CLSTN2: variants seen among roughly 807,000 people sequenced by gnomAD.
CLSTN2 encodes the protein calsyntenin 2.
A neutral mutation model predicts 101.2 loss-of-function variants in CLSTN2; 48 were observed. The ratio of observed to expected loss-of-function variants is 0.47; its 90% CI spans 0.38 to 0.60. The LOEUF (loss-of-function observed/expected upper bound fraction) is 0.60, where lower values mean the gene tolerates loss of function less well. CLSTN2 is among the 20% of genes least tolerant of loss of function. CLSTN2 has a pLI of 0.00. For synonymous variants in CLSTN2, 481 were observed against 463.6 expected, an observed-to-expected ratio of 1.04 and a Z score of -0.48; for missense variants, 1,160 against 1,238.2, an observed-to-expected ratio of 0.94 and a Z score of 0.95.
chr3:140,032,146 C>T (rs530400062), intron 1 of CLSTN2, among the ~76,000 whole-genome samples: 4 of 152,166 alleles, frequency 2.6e-5, no homozygotes, highest in Non-Finnish European at 5.9e-5. Context: ...AAAGTTATAA[C>T]TGCAAAATGA....
intron 1 of CLSTN2, among the ~76,000 whole-genome samples, chr3:140,054,188 T>G (rs1018340784): frequency 6.6e-6 from 1 of 152,060 alleles, no homozygotes; most frequent in Non-Finnish European, 1.5e-5. Context: ...AACTAGGACT[T>G]CAAGAATGGG....
At chr3:140,338,112 T>G (rs1342466654) in intron 2 of CLSTN2, among the ~76,000 whole-genome samples, 1 of 152,174 alleles carries the variant, frequency 6.6e-6, no homozygotes. Flanking sequence ...ATCTGAAGTT[T>G]AAGAGCACTT....
At chr3:140,345,679 C>T (rs2087540003) in intron 2 of CLSTN2, among the ~76,000 whole-genome samples, 1 of 144,718 alleles carries the variant, frequency 6.9e-6, no homozygotes, top group East Asian at 2.0e-4. Context: ...TGTGTAAAGG[C>T]AGTAGCATGT....
intron 10 of CLSTN2, among the ~76,000 whole-genome samples, chr3:140,550,886 CT>C (rs1935688445): frequency 6.6e-6 from 1 of 151,242 alleles, no homozygotes. Flanking sequence ...AACCAAGCCA[CT>C]GCAAATGATC....
At chr3:140,289,004 G>A (rs1216799396) in intron 2 of CLSTN2, among the ~76,000 whole-genome samples, 8 of 152,056 alleles carry the variant, frequency 5.3e-5, no homozygotes, top group Non-Finnish European at 8.8e-5. Context: ...CTTTTGCTGC[G>A]TTGATTATGC....
At chr3:140,391,767 C>T (rs1418220344) in intron 2 of CLSTN2, among the ~76,000 whole-genome samples, 2 of 151,956 alleles carry the variant, frequency 1.3e-5, no homozygotes, top group African/African-American at 2.4e-5. Flanking sequence ...TCAGTGAAAG[C>T]CATTTCTCAG....
At chr3:140,471,536 A>C (rs1483801627) in intron 8 of CLSTN2, among the ~76,000 whole-genome samples, 1 of 152,200 alleles carries the variant, frequency 6.6e-6, no homozygotes, top group Non-Finnish European at 1.5e-5. Flanking sequence ...CAGAAATTGT[A>C]CTAGGCATCA....
intron 2 of CLSTN2, among the ~76,000 whole-genome samples, chr3:140,300,395 T>C (rs1334838250): frequency 2.6e-5 from 4 of 152,212 alleles, no homozygotes; most frequent in South Asian, 2.1e-4. Flanking sequence ...TCCTTCAGCA[T>C]GTACTAAATT....
intron 1 of CLSTN2, among the ~76,000 whole-genome samples, chr3:140,149,705 C>A (rs1401031975): frequency 6.6e-6 from 1 of 152,284 alleles, no homozygotes; most frequent in Admixed American, 6.5e-5. Context: ...GATCCACCCA[C>A]CTTGACCTTC....
chr3:140,501,193 C>T (rs1345842225), intron 8 of CLSTN2, among the ~76,000 whole-genome samples: 3 of 152,184 alleles, frequency 2.0e-5, no homozygotes, highest in East Asian at 3.9e-4. Context: ...TGCATACTTT[C>T]TAGCTTGCCA....
At chr3:140,265,610 A>G (rs1459797529) in intron 2 of CLSTN2, among the ~76,000 whole-genome samples, 1 of 152,214 alleles carries the variant, frequency 6.6e-6, no homozygotes, top group Non-Finnish European at 1.5e-5. Context: ...TTCCATCAGC[A>G]TTGACTTTTA....
At chr3:139,963,108 G>A (rs193097233) in intron 1 of CLSTN2, among the ~76,000 whole-genome samples, 1 of 152,160 alleles carries the variant, frequency 6.6e-6, no homozygotes, top group African/African-American at 2.4e-5. Flanking sequence ...AGGAGGAGGG[G>A]GGCAGAGACC....
In CLSTN2 at chr3:140,553,048, G is replaced by A. The variant is rs72980108; in HGVS notation, c.1675-3465G>A. On this transcript the variant is annotated intron_variant, in intron 10 of 16. Coordinates refer to ENST00000458420, the MANE Select transcript of CLSTN2 (RefSeq NM_022131.3). ...ACTCTAAGCTGGTGAGGCCTTCCAG[G>A]CAAGAGAGATGCCAACTCAGACACT... 2.1e-3 allele frequency among the ~76,000 whole-genome samples: 325 copies of A among 152,330 alleles called. 3 individuals carry two copies. Among genetic ancestry groups the A allele is most frequent in the African/African-American group, 7.7e-3 (321 of 41,568 alleles).
At chr3:140,254,360 G>A (rs550426638) in intron 2 of CLSTN2, among the ~76,000 whole-genome samples, 7 of 151,926 alleles carry the variant, frequency 4.6e-5, no homozygotes, top group Non-Finnish European at 7.4e-5. Context: ...GTGACTTCAG[G>A]GTTCTATGAA....
chr3:140,298,054 T>C (rs1056088485), intron 2 of CLSTN2, among the ~76,000 whole-genome samples: 2 of 152,238 alleles, frequency 1.3e-5, no homozygotes, highest in African/African-American at 4.8e-5. Flanking sequence ...TTCACTCAAG[T>C]CAACAATTTA....
At chr3:140,266,777 A>G (rs1214593101) in intron 2 of CLSTN2, among the ~76,000 whole-genome samples, 1 of 152,224 alleles carries the variant, frequency 6.6e-6, no homozygotes, top group Admixed American at 6.5e-5. Context: ...AGGAAGTTTA[A>G]ATAGAGACCC....
chr3:140,324,516 C>G (rs1195050427), intron 2 of CLSTN2, among the ~76,000 whole-genome samples: 1 of 152,052 alleles, frequency 6.6e-6, no homozygotes, highest in East Asian at 1.9e-4. Context: ...AGAAAGTAGA[C>G]CAAAATGTTG....
At chr3:140,198,780 C>T (rs1320539204) in intron 2 of CLSTN2, among the ~76,000 whole-genome samples, 4 of 152,142 alleles carry the variant, frequency 2.6e-5, no homozygotes, top group Non-Finnish European at 5.9e-5. Flanking sequence ...AATGTAAAAA[C>T]CATTCTTAGT....
chr3:140,555,798 AG>A (rs1472147956), intron 10 of CLSTN2, among the ~76,000 whole-genome samples: 1 of 152,288 alleles, frequency 6.6e-6, no homozygotes, highest in East Asian at 1.9e-4. Flanking sequence ...GGAGAGGGCA[AG>A]GATCTATGTC....
Sources: allele counts gnomAD v4.1 joint callset (sites outside exome capture counted in the v4.1 genomes callset), GRCh38; gene constraint gnomAD v4.1.1; transcripts MANE v1.5; gene names NCBI Gene and HGNC (gene_info 2026-07-23, HGNC 2026-07-21).